The following PLXDC2 variants were observed in gnomAD, a reference collection of about 807,000 sequenced individuals.
The protein encoded by PLXDC2 is plexin domain-containing protein 2.
A neutral mutation model predicts 68.9 loss-of-function variants in PLXDC2; 40 were observed. The ratio of observed to expected loss-of-function variants is 0.58; its 90% CI spans 0.45 to 0.76. The LOEUF (loss-of-function observed/expected upper bound fraction) is 0.76, where lower values mean the gene tolerates loss of function less well. Among genes scored for constraint, PLXDC2 ranks in the 30% least tolerant of loss-of-function variants. PLXDC2 has a pLI of 0.00. For missense variants in PLXDC2, 644 were observed against 661.9 expected (o/e 0.97, Z 0.30); for synonymous variants, 243 against 234.2 (o/e 1.04, Z -0.34).
chr10:19,957,231 T>C (rs1834084771), intron 1 of PLXDC2, among the ~76,000 whole-genome samples: 1 of 152,160 alleles, frequency 6.6e-6, no homozygotes, highest in Non-Finnish European at 1.5e-5. Flanking sequence ...GCAGAGAGTA[T>C]ACTATTGATG....
intron 3 of PLXDC2, among the ~76,000 whole-genome samples, chr10:20,055,423 C>A (rs60196313): frequency 0.084 from 12,827 of 151,804 alleles, 1,131 homozygotes; most frequent in African/African-American, 0.22. Context: ...TTTTTCTTTG[C>A]GTCCAAAAAT....
intron 1 of PLXDC2, among the ~76,000 whole-genome samples, chr10:19,874,174 G>A (rs1837593177): frequency 6.6e-6 from 1 of 152,212 alleles, no homozygotes; most frequent in Non-Finnish European, 1.5e-5. Context: ...AGCAGCAAGT[G>A]TAGGACTATT....
intron 2 of PLXDC2, among the ~76,000 whole-genome samples, chr10:20,034,417 T>A (rs1835546576): frequency 6.6e-6 from 1 of 152,210 alleles, no homozygotes; most frequent in Non-Finnish European, 1.5e-5. Context: ...ATTAATTTAT[T>A]TGATTGCTAC....
chr10:20,073,914 T>G (rs926680683), intron 4 of PLXDC2, among the ~76,000 whole-genome samples: 1 of 152,190 alleles, frequency 6.6e-6, no homozygotes, highest in Admixed American at 6.5e-5. Flanking sequence ...TAGCTATCAC[T>G]AGGAATGATG....
intron 3 of PLXDC2, among the ~76,000 whole-genome samples, chr10:20,048,734 A>G (rs2131685045): frequency 6.6e-6 from 1 of 152,162 alleles, no homozygotes; most frequent in South Asian, 2.1e-4. Flanking sequence ...TATGGCTACC[A>G]TCTGTCTCCT....
At chr10:20,047,124 G>A in intron 3 of PLXDC2, 109 bp downstream of exon 3, 7 of 1,156,308 alleles carry the variant, frequency 6.1e-6, no homozygotes, top group South Asian at 2.0e-5. Flanking sequence ...TATTAGAATG[G>A]CCTTATCTGT....
At chr10:20,259,406 C>T in intron 13 of PLXDC2, among the ~76,000 whole-genome samples, 1 of 152,152 alleles carries the variant, frequency 6.6e-6, no homozygotes. Context: ...GCAATGAAAG[C>T]AGCATAATTA....
At chr10:20,194,755 T>C (rs1353595885) in intron 9 of PLXDC2, among the ~76,000 whole-genome samples, 2 of 151,092 alleles carry the variant, frequency 1.3e-5, no homozygotes, top group Non-Finnish European at 3.0e-5. Flanking sequence ...TCATTTACAT[T>C]AGGTATATCT....
At chr10:19,959,367 C>G (rs1179135618) in intron 1 of PLXDC2, among the ~76,000 whole-genome samples, 1 of 152,062 alleles carries the variant, frequency 6.6e-6, no homozygotes, top group Non-Finnish European at 1.5e-5. Flanking sequence ...GGGTCAAAGC[C>G]TCATCCAACT....
chr10:19,829,154 C>CTTTTTTTTTTTTTTT (rs71388870), intron 1 of PLXDC2, among the ~76,000 whole-genome samples: 12 of 94,426 alleles, frequency 1.3e-4, no homozygotes, highest in Middle Eastern at 8.9e-3. Context: ...ACGCTTTCCT[C>CTTTTTTTTTTTTTTT]TTTTTTTTTT....
At chr10:20,067,305 A>G (rs900764068) in intron 3 of PLXDC2, among the ~76,000 whole-genome samples, 1 of 152,140 alleles carries the variant, frequency 6.6e-6, no homozygotes, top group South Asian at 2.1e-4. Context: ...CCAGTAACCA[A>G]TATTATTTAT....
At chr10:20,226,035 G>T (rs1027637920) in intron 12 of PLXDC2, among the ~76,000 whole-genome samples, 6 of 152,170 alleles carry the variant, frequency 3.9e-5, no homozygotes, top group African/African-American at 1.4e-4. Flanking sequence ...CACACTTGGA[G>T]TATCAAGAGT....
chr10:20,019,410 G>A (rs191170966), intron 2 of PLXDC2, among the ~76,000 whole-genome samples: 69 of 152,232 alleles, frequency 4.5e-4, no homozygotes, highest in Admixed American at 1.6e-3. Context: ...CCTGCACCCC[G>A]ACATTGCACC....
intron 13 of PLXDC2, among the ~76,000 whole-genome samples, chr10:20,246,003 A>G (rs574910139): frequency 6.6e-6 from 1 of 152,354 alleles, no homozygotes; most frequent in South Asian, 2.1e-4. Context: ...ATGTAAAAAT[A>G]AAAAATGGTA....
intron 2 of PLXDC2, among the ~76,000 whole-genome samples, chr10:20,013,409 T>C (rs1835150491): frequency 6.6e-6 from 1 of 152,174 alleles, no homozygotes; most frequent in Admixed American, 6.5e-5. Flanking sequence ...TGACAGGATT[T>C]TTTACCTAAA....
intron 1 of PLXDC2, among the ~76,000 whole-genome samples, chr10:19,822,407 C>T (rs1430942502): frequency 6.6e-6 from 1 of 151,904 alleles, no homozygotes; most frequent in East Asian, 1.9e-4. Context: ...CATATCTTGG[C>T]TATTGTGAAT....
chr10:20,003,111 G>T (rs1028105190), intron 2 of PLXDC2, among the ~76,000 whole-genome samples: 9 of 152,136 alleles, frequency 5.9e-5, no homozygotes, highest in Admixed American at 3.9e-4. Context: ...AGGCCTCAAA[G>T]GTGGTGTTAT....
At position 20,283,479 on chromosome 10, in the gene PLXDC2, C is replaced by T. The variant is rs764268940; in HGVS notation, c.*3660C>T. On this transcript the variant is annotated 3_prime_UTR_variant, in exon 14 of 14. Transcript: ENST00000377252. The stretch of plus-strand genomic sequence containing the variant: ...AAGAATAGTTCATCAGTGCAAAAAG[C>T]GTTCAAAGGTAATCAGTTCATCACG... 1.4e-4 allele frequency: 21 copies of T among 152,160 alleles called. No homozygotes were observed. Among genetic ancestry groups the T allele is most frequent in the Non-Finnish European group, 2.9e-4 (20 of 68,034 alleles). 9.4% of individuals were successfully genotyped at this position (152,160 alleles called of 1,614,324 possible).
intron 1 of PLXDC2, among the ~76,000 whole-genome samples, chr10:19,888,113 C>T (rs532572502): frequency 2.0e-5 from 3 of 152,316 alleles, no homozygotes; most frequent in African/African-American, 7.2e-5. Context: ...TTAAAGCACT[C>T]CCTTTTTGAA....
Sources: gnomAD v4.1 joint callset for allele counts (sites outside exome capture counted in the v4.1 genomes callset) on GRCh38, gnomAD v4.1.1 for gene constraint, MANE v1.5 for transcripts, NCBI Gene and HGNC (gene_info 2026-07-23, HGNC 2026-07-21) for gene names.